PAN3: variants seen among roughly 807,000 people sequenced by gnomAD.
PAN3 encodes poly(A) specific ribonuclease subunit PAN3.
Under a neutral mutation model 96.2 loss-of-function variants are expected in PAN3, and 19 were observed. The observed-to-expected ratio is 0.20, with a 90% CI of 0.14 to 0.29. PAN3 has a LOEUF of 0.29. Among genes scored for constraint, PAN3 ranks in the 10% least tolerant of loss-of-function variants. The pLI, the probability that PAN3 is intolerant of heterozygous loss-of-function variation, is 1.00. For synonymous variants in PAN3, 433 were observed against 406.6 expected, an observed-to-expected ratio of 1.06 and a Z score of -0.78; for missense variants, 882 against 1,108.1, an observed-to-expected ratio of 0.80 and a Z score of 2.90.
At chr13:28,231,172 T>G (rs752793168) in intron 6 of PAN3, among the ~76,000 whole-genome samples, 2 of 152,238 alleles carry the variant, frequency 1.3e-5, no homozygotes, top group Non-Finnish European at 2.9e-5. Flanking sequence ...TAAAATATGT[T>G]GAATTATTCA....
At chr13:28,263,140 A>G (rs1885873709) in intron 9 of PAN3, among the ~76,000 whole-genome samples, 1 of 152,144 alleles carries the variant, frequency 6.6e-6, no homozygotes, top group Non-Finnish European at 1.5e-5. Context: ...GTTCATATGA[A>G]GAATTTGTTT....
chr13:28,189,666 C>T lies in PAN3; in HGVS notation c.691-7519C>T, dbSNP rs535001675. ...GTGACTCCAATTTCTGTTTGTATCACTAGTTATTTCTTCTCCAGATCTCTC... is the reference window on the plus strand; with the variant it reads ...GTGACTCCAATTTCTGTTTGTATCATTAGTTATTTCTTCTCCAGATCTCTC... On this transcript the variant is annotated intron_variant, in intron 4 of 18. Transcript: ENST00000380958. 1.4e-4 allele frequency among the ~76,000 whole-genome samples: 21 copies of T among 152,268 alleles called. No homozygotes were observed. In the East Asian group the frequency reaches 3.9e-3, roughly 28 times the overall value.
chr13:28,222,894 C>T (rs1478697041), intron 6 of PAN3, among the ~76,000 whole-genome samples: 1 of 152,106 alleles, frequency 6.6e-6, no homozygotes, highest in Non-Finnish European at 1.5e-5. Context: ...ACCTTAAATA[C>T]TTTGACACTT....
In PAN3 at chr13:28,290,861, C is replaced by T. The variant is rs764457626; in HGVS notation, c.2524-1521C>T. Among the ~76,000 whole-genome samples the T allele has an allele frequency of 3.9e-5, 6 of 152,008 alleles. No individual in the cohort carries two copies. The East Asian group carries it at 5.8e-4, about 15-fold the overall frequency. ...ATCAGAGTACCAGTAGTTAAAAATA[C>T]GTAGAACCAGAACAAACATTGACAA... On this transcript the variant is annotated intron_variant, in intron 18 of 18. Coordinates refer to ENST00000380958, the MANE Select transcript of PAN3 (RefSeq NM_175854.8).
chr13:28,220,282 A>G lies in PAN3; in HGVS notation c.904A>G (p.Arg302Gly). Reference sequence around the variant, plus strand: ...TATTCCTAAAGGAGGATCAACCTCCAGGCTGAGTAACGTGTCCCAGTCAAA... The same window carrying G: ...TATTCCTAAAGGAGGATCAACCTCCGGGCTGAGTAACGTGTCCCAGTCAAA... Reference protein sequence around the residue: ...EFIPKGGSTSRLSNVSQSNMS... With the variant: ...EFIPKGGSTSGLSNVSQSNMS... Residue 302 changes from arginine (R) to glycine (G), a missense_variant, in exon 6 of 19, where the codon AGG becomes GGG. Coordinates refer to ENST00000380958, the MANE Select transcript of PAN3 (RefSeq NM_175854.8). 1 of 1,613,854 alleles carries G rather than the reference A, an allele frequency of 6.2e-7. No individual in the cohort carries two copies. Among genetic ancestry groups the G allele is most frequent in the East Asian group, 2.2e-5 (1 of 44,866 alleles).
At position 28,270,850 on chromosome 13, in the gene PAN3, A is replaced by G. The variant is rs778986227; in HGVS notation, c.1942A>G (p.Ile648Val). 5 of 1,613,576 alleles carry G rather than the reference A, an allele frequency of 3.1e-6. No individual in the cohort carries two copies. In the Admixed American group the frequency reaches 5.0e-5, roughly 16 times the overall value. The change falls in exon 13 of 19, where the codon ATA becomes GTA. Residue 648 changes from isoleucine to valine, a missense_variant. Transcript: ENST00000380958. The stretch of plus-strand genomic sequence containing the variant: ...AGTTATGGATCCAACAAAGATTCTG[A>G]TAACTGGCAAAACAAGGTACTAGCA... ...CRVMDPTKIL[I>V]TGKTRLRVNC...
intron 6 of PAN3, among the ~76,000 whole-genome samples, chr13:28,242,216 C>G (rs1001952377): frequency 1.3e-5 from 2 of 152,140 alleles, no homozygotes; most frequent in African/African-American, 4.8e-5. Flanking sequence ...ATAGCATGAT[C>G]ATTTACTTTT....
rs199942600 is a variant in PAN3 at position 28,230,054 on chromosome 13, C to CT, written c.1000+9687dup. 0.011 allele frequency among the ~76,000 whole-genome samples: 1,566 copies of CT among 146,136 alleles called. 51 individuals are homozygous for CT. In the East Asian group the frequency reaches 0.13, roughly 12 times the overall value. Reference sequence around the variant, plus strand: ...AACACAAAGATATCTTTTAGTACCTCTTTTTTTTTTTCTTTTTTTTTAAAT... The same window carrying CT: ...AACACAAAGATATCTTTTAGTACCTCTTTTTTTTTTTTCTTTTTTTTTAAAT... On this transcript the variant is annotated intron_variant, in intron 6 of 18. Transcript: ENST00000380958.
At chr13:28,274,032 C>G (rs1361576392) in intron 14 of PAN3, among the ~76,000 whole-genome samples, 1 of 152,232 alleles carries the variant, frequency 6.6e-6, no homozygotes, top group Non-Finnish European at 1.5e-5. Flanking sequence ...TGCAGGCACT[C>G]ATTGCATTCA....
intron 1 of PAN3, among the ~76,000 whole-genome samples, chr13:28,150,728 G>T (rs1383894500): frequency 2.0e-5 from 3 of 151,994 alleles, no homozygotes; most frequent in Non-Finnish European, 4.4e-5. Context: ...TGTAATTTGG[G>T]CTAATAATAA....
chr13:28,215,175 G>A, intron 5 of PAN3: 1 of 713,412 alleles, frequency 1.4e-6, no homozygotes, highest in East Asian at 2.5e-5. Flanking sequence ...CCATAAAGAT[G>A]GCAGCACCAG....
chr13:28,260,575 G>T, intron 8 of PAN3, 24 bp downstream of exon 8: 1 of 1,542,576 alleles, frequency 6.5e-7, no homozygotes, highest in South Asian at 1.1e-5. Flanking sequence ...ATTCATAGTA[G>T]GAATACTTAA....
chr13:28,240,982 G>A (rs1398473223), intron 6 of PAN3, among the ~76,000 whole-genome samples: 3 of 152,126 alleles, frequency 2.0e-5, no homozygotes, highest in South Asian at 2.1e-4. Flanking sequence ...CTTTTCGGCC[G>A]GATGTGGTGG....
chr13:28,202,152 G>A (rs563597953), intron 5 of PAN3, among the ~76,000 whole-genome samples: 1 of 151,786 alleles, frequency 6.6e-6, no homozygotes, highest in South Asian at 2.1e-4. Flanking sequence ...AGAATATATT[G>A]GACAGTGTAC....
At chr13:28,206,852 T>C (rs1262512139) in intron 5 of PAN3, among the ~76,000 whole-genome samples, 2 of 152,012 alleles carry the variant, frequency 1.3e-5, no homozygotes, top group Non-Finnish European at 2.9e-5. Context: ...TTCTGTAATC[T>C]CACATGTCTT....
intron 1 of PAN3, among the ~76,000 whole-genome samples, chr13:28,141,584 CAG>C (rs560977140): frequency 4.4e-4 from 66 of 149,670 alleles, no homozygotes; most frequent in Non-Finnish European, 3.0e-5. Flanking sequence ...TCTCCTGCCT[CAG>C]ACTCCCTAGT....
In PAN3 at chr13:28,193,409, T is replaced by C. The variant is rs148266793; in HGVS notation, c.691-3776T>C. 2.3e-4 allele frequency among the ~76,000 whole-genome samples: 35 copies of C among 151,902 alleles called. No individual in the cohort carries two copies. The East Asian group carries it at 4.3e-3, about 18-fold the overall frequency. Reference sequence around the variant, plus strand: ...AAATGAAGAAACGTAATTTAATGAGTGCAGTTAAAGAGGGAGGATGATACG... The same window carrying C: ...AAATGAAGAAACGTAATTTAATGAGCGCAGTTAAAGAGGGAGGATGATACG... On this transcript the variant is annotated intron_variant, in intron 4 of 18. Coordinates refer to ENST00000380958, the MANE Select transcript of PAN3 (RefSeq NM_175854.8).
At chr13:28,248,150 T>C (rs1884384870) in intron 6 of PAN3, among the ~76,000 whole-genome samples, 1 of 152,228 alleles carries the variant, frequency 6.6e-6, no homozygotes, top group African/African-American at 2.4e-5. Context: ...GTTAAATTTA[T>C]TCCTAGATAT....
chr13:28,191,526 A>G (rs531075222), intron 4 of PAN3, among the ~76,000 whole-genome samples: 2 of 152,264 alleles, frequency 1.3e-5, no homozygotes, highest in African/African-American at 4.8e-5. Context: ...ACAATGCACA[A>G]GACAGCCCCC....
Sources: allele counts gnomAD v4.1 joint callset (sites outside exome capture counted in the v4.1 genomes callset), GRCh38; gene constraint gnomAD v4.1.1; transcripts MANE v1.5; gene names NCBI Gene and HGNC (gene_info 2026-07-23, HGNC 2026-07-21).